The following ZNF724 variants were observed in gnomAD, a reference collection of about 807,000 sequenced individuals.
ZNF724 encodes the protein zinc finger protein 724 pseudogene.
In ZNF724, 14 loss-of-function variants were observed where a neutral mutation model predicts 29.3. The ratio of observed to expected loss-of-function variants is 0.48; its 90% CI spans 0.32 to 0.75. ZNF724 has a LOEUF of 0.75. ZNF724 is among the 30% of genes least tolerant of loss of function. ZNF724 has a pLI of 0.04. For synonymous variants in ZNF724, 180 were observed against 193.6 expected (o/e 0.93, Z 0.58); for missense variants, 557 against 571.2 (o/e 0.98, Z 0.25).
intron 3 of ZNF724, among the ~76,000 whole-genome samples, chr19:23,224,304 T>C (rs544646244): frequency 2.0e-5 from 3 of 152,040 alleles, no homozygotes; most frequent in Admixed American, 6.6e-5. Context: ...TCCCAGCTAC[T>C]CAGGAGGCTG....
intron 3 of ZNF724, among the ~76,000 whole-genome samples, chr19:23,228,110 CT>C (rs1010612702): frequency 6.6e-6 from 1 of 152,032 alleles, no homozygotes; most frequent in Non-Finnish European, 1.5e-5. Context: ...TCAAGACCAG[CT>C]TGGGGTATAT....
intron 1 of ZNF724, among the ~76,000 whole-genome samples, chr19:23,233,766 A>T (rs2145781783): frequency 6.6e-6 from 1 of 151,902 alleles, no homozygotes; most frequent in African/African-American, 2.4e-5. Context: ...GGCAGGGCGG[A>T]TACAGCTCTT....
At position 23,240,248 on chromosome 19, in the gene ZNF724, G is replaced by A. The variant is rs185039947; in HGVS notation, c.4-7955C>T. On this transcript the variant is annotated intron_variant, in intron 1 of 3. Transcript: ENST00000418100. The stretch of plus-strand genomic sequence containing the variant: ...AGCCAATTACTTGAACGCAGGAGGT[G>A]GAGGCTGCCTGGGCAACAGAGCGAG... Among the ~76,000 whole-genome samples the A allele has an allele frequency of 2.9e-3, 442 of 150,764 alleles. 3 individuals carry two copies. The highest frequency in any genetic ancestry group is 4.8e-3 in the Admixed American group (72 of 15,072).
rs200299994 is a variant in ZNF724, at chr19:23,243,522, GA to G, written c.3+6717del. ...AAAAAGGTAAACTGATGCAGAAAGA[GA>G]AAAACAAATGCACTATCTCATTTAT... is the stretch of plus-strand genomic sequence containing the variant. On this transcript the variant is annotated intron_variant, in intron 1 of 3. Coordinates refer to ENST00000418100, the MANE Select transcript of ZNF724 (RefSeq NM_001355404.2). Among the ~76,000 whole-genome samples, 59 of 129,288 alleles carry G rather than the reference GA, an allele frequency of 4.6e-4. No individual in the cohort carries two copies. In the East Asian group the frequency reaches 0.012, roughly 27 times the overall value. The allele number at this position is 129,288 out of a possible 152,430, so 84.8% of individuals were successfully genotyped here. A position where few individuals can be genotyped will look rare whatever the true frequency, so the allele number is the denominator to read the frequency against.
intron 3 of ZNF724, among the ~76,000 whole-genome samples, chr19:23,225,857 G>C (rs1333426623): frequency 1.3e-5 from 2 of 151,898 alleles, no homozygotes; most frequent in African/African-American, 4.8e-5. Context: ...AAAATTTCTA[G>C]AAGTGTTTTG....
chr19:23,227,271 C>T (rs1302718478), intron 3 of ZNF724, among the ~76,000 whole-genome samples: 1 of 151,884 alleles, frequency 6.6e-6, no homozygotes, highest in Non-Finnish European at 1.5e-5. Flanking sequence ...AATTTAGAAG[C>T]AGGCCAGGCG....
chr19:23,245,769 G>C (rs1972224116), intron 1 of ZNF724, among the ~76,000 whole-genome samples: 1 of 151,590 alleles, frequency 6.6e-6, no homozygotes, highest in South Asian at 2.1e-4. Context: ...CCTTATAATT[G>C]GTACTTCCTC....
At chr19:23,229,322 T>C (rs1444286708) in intron 3 of ZNF724, among the ~76,000 whole-genome samples, 1 of 152,110 alleles carries the variant, frequency 6.6e-6, no homozygotes, top group African/African-American at 2.4e-5. Flanking sequence ...GTCCTGCCCT[T>C]CCAGAGGCCT....
chr19:23,234,395 C>T (rs79991740), intron 1 of ZNF724, among the ~76,000 whole-genome samples: 2,445 of 152,220 alleles, frequency 0.016, 59 homozygotes, highest in African/African-American at 0.055. Context: ...CGTCAATTAA[C>T]TTTTCCACCA....
At chr19:23,237,702 A>G (rs1972043741) in intron 1 of ZNF724, among the ~76,000 whole-genome samples, 1 of 144,416 alleles carries the variant, frequency 6.9e-6, no homozygotes, top group South Asian at 2.3e-4. Context: ...TGGGCAACAG[A>G]GCAAGAACCC....
intron 3 of ZNF724, among the ~76,000 whole-genome samples, chr19:23,227,674 T>A (rs1971862550): frequency 6.6e-6 from 1 of 151,718 alleles, no homozygotes; most frequent in South Asian, 2.1e-4. Context: ...TATTTGGGAA[T>A]AAATTATGTT....
At chr19:23,241,044 CAACAACAACAAA>C (rs1018618291) in intron 1 of ZNF724, among the ~76,000 whole-genome samples, 1 of 151,564 alleles carries the variant, frequency 6.6e-6, no homozygotes, top group African/African-American at 2.4e-5. Context: ...ACAACAACAA[CAACAACAACAAA>C]AAAAAAAGAC....
At position 23,223,796 on chromosome 19, in the gene ZNF724, T is replaced by A. The variant is rs1331998614; in HGVS notation, c.449A>T (p.Tyr150Phe). ...TGAAAATTTATGAAAGTCTTTCACA[T>A]ATTTATCACACTGAAATATTTTGCT... Reference protein sequence around the residue: ...TQSKIFQCDKYVKDFHKFSNS... With the variant: ...TQSKIFQCDKFVKDFHKFSNS... The change falls in exon 4 of 4, where the codon TAT (tyrosine) becomes TTT (phenylalanine). Residue 150 changes from tyrosine (Y) to phenylalanine (F), a missense_variant. Around this residue, in one of 3 missense-constraint regions of ZNF724, gnomAD observed 362 missense variants for 295.5 expected, o/e 1.22. Coordinates refer to ENST00000418100, the MANE Select transcript of ZNF724 (RefSeq NM_001355404.2). 2.6e-6 allele frequency: 2 copies of A among 776,588 alleles called. No individual in the cohort carries two copies. Among genetic ancestry groups the A allele is most frequent in the Non-Finnish European group, 4.8e-6 (2 of 416,148 alleles). 48.1% of individuals were successfully genotyped at this position (776,588 alleles called of 1,614,324 possible).
At chr19:23,244,907 A>C (rs982694889) in intron 1 of ZNF724, among the ~76,000 whole-genome samples, 8 of 152,242 alleles carry the variant, frequency 5.3e-5, no homozygotes, top group African/African-American at 1.9e-4. Context: ...CACTGTAGTT[A>C]TGTTGACCGG....
intron 3 of ZNF724, among the ~76,000 whole-genome samples, chr19:23,227,125 A>G (rs1282374228): frequency 6.6e-6 from 1 of 152,208 alleles, no homozygotes; most frequent in Non-Finnish European, 1.5e-5. Flanking sequence ...TTAAAATTTC[A>G]GAGAAAATGC....
chr19:23,222,189 A>G lies in ZNF724; in HGVS notation c.*196T>C, dbSNP rs1455412312. ...ATTTTACCTACAATCAAGTATGACA[A>G]CCATTTAAAGGTGTTTAGAAATATT... On this transcript the variant is annotated 3_prime_UTR_variant, in exon 4 of 4. Transcript: ENST00000418100. 1.4e-5 allele frequency: 7 copies of G among 497,480 alleles called. No homozygotes were observed. The highest frequency in any genetic ancestry group is 1.2e-4 in the African/African-American group (6 of 51,986). The allele number at this position is 497,480 out of a possible 1,614,324, so 30.8% of individuals were successfully genotyped here.
intron 1 of ZNF724, among the ~76,000 whole-genome samples, chr19:23,243,486 A>AT (rs1972172990): frequency 1.3e-5 from 2 of 150,024 alleles, no homozygotes; most frequent in African/African-American, 4.9e-5. Flanking sequence ...AAAAAAAAAA[A>AT]AAAAAAAAAA....
At chr19:23,245,637 T>C (rs540926244) in intron 1 of ZNF724, among the ~76,000 whole-genome samples, 1 of 151,886 alleles carries the variant, frequency 6.6e-6, no homozygotes, top group Non-Finnish European at 1.5e-5. Flanking sequence ...ATTATCTGAT[T>C]TAGAATCTGA....
chr19:23,230,099 A>C (rs1351991933), intron 3 of ZNF724, among the ~76,000 whole-genome samples: 2 of 152,160 alleles, frequency 1.3e-5, no homozygotes, highest in Non-Finnish European at 2.9e-5. Context: ...AACTTAAACT[A>C]TCTGATAAAA....
Sources: gnomAD v4.1 joint callset for allele counts (sites outside exome capture counted in the v4.1 genomes callset) on GRCh38, gnomAD v4.1.1 for gene constraint, gnomAD v4.1.1 regional missense constraint, MANE v1.5 for transcripts, NCBI Gene and HGNC (gene_info 2026-07-23, HGNC 2026-07-21) for gene names.